Variants in L3MBTL1 observed in about 807,000 individuals in gnomAD.
L3MBTL1 encodes lethal(3)malignant brain tumor-like protein 1.
L3MBTL1 carries 75 observed loss-of-function variants against 105.3 expected under a neutral mutation model. The observed-to-expected ratio is 0.71, with a 90% confidence interval of 0.59 to 0.86. The LOEUF (loss-of-function observed/expected upper bound fraction) is 0.86, where lower values mean the gene tolerates loss of function less well. Ranked by LOEUF, L3MBTL1 falls within the 40% of genes least tolerant of loss-of-function variation. L3MBTL1 has a pLI of 0.00. For missense variants in L3MBTL1, 1,069 were observed against 1,126.4 expected (o/e 0.95, Z 0.73); for synonymous variants, 452 against 436.2 (o/e 1.04, Z -0.45).
At position 43,530,887 on chromosome 20, in the gene L3MBTL1, C is replaced by A. The variant is rs770220920; in HGVS notation, c.1282C>A (p.His428Asn). 3.1e-6 allele frequency: 5 copies of A among 1,612,638 alleles called. No homozygotes were observed. The African/African-American group carries it at 6.7e-5, about 22-fold the overall frequency. The change falls in exon 11 of 22, where the codon CAC becomes AAC. Residue 428 changes from histidine (H) to asparagine (N), a missense_variant and splice_region_variant. Transcript: ENST00000418998. ...CAAGCACCTGTTTGTGAGCCAGAGCCACGTGAGTGCCCCTGAGTGAGAGTG... is the reference window on the plus strand; with the variant it reads ...CAAGCACCTGTTTGTGAGCCAGAGCAACGTGAGTGCCCCTGAGTGAGAGTG... The part of the protein sequence containing the change: ...APKHLFVSQS[H>N]SPPPLGFQVG...
intron 18 of L3MBTL1, among the ~76,000 whole-genome samples, chr20:43,547,575 T>TTC (rs1978700556): frequency 6.6e-6 from 1 of 152,174 alleles, no homozygotes; most frequent in African/African-American, 2.4e-5. Context: ...CTGTCTCTGT[T>TTC]TCTCTCTCTG....
At chr20:43,518,975 G>A (rs959257483) in intron 7 of L3MBTL1, among the ~76,000 whole-genome samples, 7 of 150,050 alleles carry the variant, frequency 4.7e-5, no homozygotes, top group East Asian at 3.9e-4. Context: ...GCAGTGAGCC[G>A]AGATTGCGCC....
exon 19 of L3MBTL1, chr20:43,548,144 C>A (rs1228063860): frequency 7.7e-7 from 1 of 1,304,174 alleles, no homozygotes; most frequent in Non-Finnish European, 1.0e-6. Context: ...TTTGCTGACA[C>A]AGGCGGACAT....
intron 7 of L3MBTL1, among the ~76,000 whole-genome samples, chr20:43,521,522 T>G (rs1480464579): frequency 6.6e-6 from 1 of 152,022 alleles, no homozygotes; most frequent in East Asian, 1.9e-4. Context: ...AAGAAAGAAA[T>G]GCCAAGATGG....
At chr20:43,525,568 G>A (rs1006463053) in intron 7 of L3MBTL1, among the ~76,000 whole-genome samples, 1 of 136,824 alleles carries the variant, frequency 7.3e-6, no homozygotes, top group Non-Finnish European at 1.7e-5. Context: ...ATACACAGGA[G>A]CCTTGGGACT....
chr20:43,520,705 G>A (rs1468534959), intron 7 of L3MBTL1, among the ~76,000 whole-genome samples: 1 of 152,200 alleles, frequency 6.6e-6, no homozygotes, highest in Non-Finnish European at 1.5e-5. Context: ...TTGGAGAAAT[G>A]TCTATTCAGA....
chr20:43,532,678 T>C, intron 11 of L3MBTL1, 95 bp from the exon 12 acceptor site: 1 of 1,356,404 alleles, frequency 7.4e-7, no homozygotes, highest in Admixed American at 2.1e-5. Context: ...CACCCCAGGC[T>C]TTCCTAGAGA....
intron 1 of L3MBTL1, among the ~76,000 whole-genome samples, chr20:43,513,086 A>G (rs1212487661): frequency 6.6e-6 from 1 of 152,158 alleles, no homozygotes; most frequent in Admixed American, 6.5e-5. Context: ...TCCAGTGGGG[A>G]TAGAGGTGGG....
chr20:43,536,858 G>C (rs1275923483), intron 19 of L3MBTL1, among the ~76,000 whole-genome samples: 1 of 152,206 alleles, frequency 6.6e-6, no homozygotes, highest in Non-Finnish European at 1.5e-5. Flanking sequence ...TTTCTCACTT[G>C]AGTAACTGGA....
chr20:43,516,190 G>A lies in L3MBTL1; in HGVS notation c.862+13G>A, dbSNP rs1451354840. The A allele has an allele frequency of 2.5e-6, 4 of 1,603,838 alleles. No individual in the cohort carries two copies. In the Admixed American group the frequency reaches 5.0e-5, roughly 20 times the overall value. On this transcript the variant is annotated intron_variant, in intron 7 of 21. Coordinates refer to ENST00000418998, the MANE Select transcript of L3MBTL1 (RefSeq NM_001377303.1). Reference sequence around the variant, plus strand: ...AGCAGCCAGCCTGGTACGGTGGCTTGTGTGTATATATATTCGTGTGAGGTG... The same window carrying A: ...AGCAGCCAGCCTGGTACGGTGGCTTATGTGTATATATATTCGTGTGAGGTG...
At chr20:43,528,181 C>T (rs1427877304) in intron 7 of L3MBTL1, among the ~76,000 whole-genome samples, 1 of 152,204 alleles carries the variant, frequency 6.6e-6, no homozygotes, top group East Asian at 1.9e-4. Context: ...GCGTGAGCTA[C>T]CATGCCCAGC....
Position 43,541,212 on chromosome 20 carries a change from G to A in L3MBTL1, c.*84G>A, listed in dbSNP as rs947904240. 14 of 1,544,680 alleles carry A rather than the reference G, an allele frequency of 9.1e-6. No individual in the cohort carries two copies. Among genetic ancestry groups the A allele is most frequent in the Non-Finnish European group, 1.2e-5 (14 of 1,145,764 alleles). ...ACACAGATATTGTGATTTACTGCAA[G>A]GATCCTAACACACACTTAAAATCAA... On this transcript the variant is annotated 3_prime_UTR_variant, in exon 22 of 22. Transcript: ENST00000418998.
chr20:43,540,078 G>A, intron 19 of L3MBTL1, 73 bp from the exon 20 acceptor site: 1 of 1,570,554 alleles, frequency 6.4e-7, no homozygotes, highest in Non-Finnish European at 8.7e-7. Flanking sequence ...CCTGAGTGGT[G>A]TGGGTATGCA....
chr20:43,522,488 T>TTTTTTTTTTTC (rs2018781547), intron 7 of L3MBTL1, among the ~76,000 whole-genome samples: 1 of 106,298 alleles, frequency 9.4e-6, no homozygotes, highest in Non-Finnish European at 1.8e-5. Flanking sequence ...TTTTTTTTTT[T>TTTTTTTTTTTC]GGAGACAGGA....
chr20:43,540,000 G>T, intron 19 of L3MBTL1, 151 bp from the exon 20 acceptor site: 1 of 805,090 alleles, frequency 1.2e-6, no homozygotes, highest in South Asian at 1.5e-5. Context: ...AGGAGATACG[G>T]CTCACCCTCT....
chr20:43,549,687 CT>C, exon 19 of L3MBTL1: 1 of 152,276 alleles, frequency 6.6e-6, no homozygotes, highest in Non-Finnish European at 1.5e-5. Context: ...GGGCTGGTGC[CT>C]TCACCCAGAC....
At chr20:43,542,904 A>G (rs2019969354), downstream of L3MBTL1, among the ~76,000 whole-genome samples, 1 of 152,168 alleles carries the variant, frequency 6.6e-6, no homozygotes, top group African/African-American at 2.4e-5. Flanking sequence ...TGAGTATACC[A>G]TAATTTCTTG....
chr20:43,514,595 C>T, intron 3 of L3MBTL1, 40 bp from the exon 4 acceptor site: 2 of 1,599,188 alleles, frequency 1.3e-6, no homozygotes, highest in African/African-American at 1.3e-5. Context: ...GTCAAGGACC[C>T]GTACGGGAGT....
chr20:43,508,886 G>A (rs6030929), intron 1 of L3MBTL1, among the ~76,000 whole-genome samples: 4,973 of 152,048 alleles, frequency 0.033, 248 homozygotes, highest in South Asian at 0.12. Flanking sequence ...AGTAAGGCAA[G>A]GGGGTGGGGT....
Sources: gnomAD v4.1 joint callset for allele counts (sites outside exome capture counted in the v4.1 genomes callset) on GRCh38, gnomAD v4.1.1 for gene constraint, MANE v1.5 for transcripts, NCBI Gene and HGNC (gene_info 2026-07-23, HGNC 2026-07-21) for gene names.